Variants in SGCG observed in about 807,000 individuals in gnomAD.
The protein encoded by SGCG is gamma-sarcoglycan.
In SGCG, 26 loss-of-function variants were observed where a neutral mutation model predicts 29.3. The ratio of observed to expected loss-of-function variants is 0.89; its 90% CI spans 0.65 to 1.23. The LOEUF is 1.23. Ranked by LOEUF, SGCG falls within the 50% of genes most tolerant of loss-of-function variation. The pLI, the probability that SGCG is intolerant of heterozygous loss-of-function variation, is 0.00. For missense variants in SGCG, 353 were observed against 356.0 expected, an observed-to-expected ratio of 0.99 and a Z score of 0.07; for synonymous variants, 145 against 129.7, an observed-to-expected ratio of 1.12 and a Z score of -0.80.
At chr13:23,297,479 T>C (rs5023402) in intron 6 of SGCG, among the ~76,000 whole-genome samples, 150,497 of 152,364 alleles carry the variant, frequency 0.99, 74,360 homozygotes, top group Middle Eastern at 1. Flanking sequence ...CAAAAAGTAT[T>C]CCTTACGGGA....
chr13:23,315,347 A>T (rs552380315), intron 6 of SGCG, among the ~76,000 whole-genome samples: 1 of 152,256 alleles, frequency 6.6e-6, no homozygotes, highest in Admixed American at 6.5e-5. Context: ...TCCATCATCA[A>T]ATGGATGTGG....
intron 1 of SGCG, among the ~76,000 whole-genome samples, chr13:23,187,053 G>T (rs992367975): frequency 1.3e-5 from 2 of 152,294 alleles, no homozygotes; most frequent in East Asian, 3.9e-4. Flanking sequence ...TAGACATTCA[G>T]CAGGGGCAGT....
intron 6 of SGCG, among the ~76,000 whole-genome samples, chr13:23,303,838 T>C (rs1360161259): frequency 6.6e-6 from 1 of 152,228 alleles, no homozygotes; most frequent in East Asian, 1.9e-4. Flanking sequence ...TCGGTGACTT[T>C]CCCCTCCATT....
Position 23,322,542 on chromosome 13 carries a change from G to GA in SGCG, c.702+1782_702+1783insA, listed in dbSNP as rs1208011762. On this transcript the variant is annotated intron_variant, in intron 7 of 7. Coordinates refer to ENST00000218867, the MANE Select transcript of SGCG (RefSeq NM_000231.3). ...GGGTTTGCCACTCCCAGACTCCTTA[G>GA]CTCAGAAGGCTGAACACACATTCTT... 9.2e-5 allele frequency among the ~76,000 whole-genome samples: 14 copies of GA among 152,296 alleles called. No individual in the cohort carries two copies. The East Asian group carries it at 2.7e-3, about 29-fold the overall frequency.
At chr13:23,267,672 C>T (rs1013865252) in intron 4 of SGCG, 5 of 152,402 alleles carry the variant, frequency 3.3e-5, no homozygotes, top group African/African-American at 9.6e-5. Flanking sequence ...TTTCAGAATT[C>T]CACGCACACC....
chr13:23,207,146 A>G (rs963600036), intron 2 of SGCG, among the ~76,000 whole-genome samples: 5 of 152,134 alleles, frequency 3.3e-5, no homozygotes, highest in African/African-American at 1.2e-4. Context: ...CAGAATAGAG[A>G]TCCCAGAAAA....
At chr13:23,277,128 TA>T (rs1881108047) in intron 4 of SGCG, among the ~76,000 whole-genome samples, 1 of 152,192 alleles carries the variant, frequency 6.6e-6, no homozygotes, top group African/African-American at 2.4e-5. Flanking sequence ...ATATAATAAC[TA>T]TAGAAAAAAA....
At chr13:23,276,934 ATC>A (rs1566027403) in intron 4 of SGCG, among the ~76,000 whole-genome samples, 1 of 152,194 alleles carries the variant, frequency 6.6e-6, no homozygotes, top group African/African-American at 2.4e-5. Flanking sequence ...TGTGAGCTAT[ATC>A]TCACTCATTT....
intron 3 of SGCG, among the ~76,000 whole-genome samples, chr13:23,248,780 C>T (rs538015338): frequency 6.6e-6 from 1 of 151,758 alleles, no homozygotes; most frequent in East Asian, 1.9e-4. Context: ...ATCACGAGGT[C>T]AGGAAATCGA....
intron 6 of SGCG, among the ~76,000 whole-genome samples, chr13:23,311,984 A>G (rs975452570): frequency 1.3e-5 from 2 of 152,082 alleles, no homozygotes; most frequent in African/African-American, 4.8e-5. Context: ...GCAACCTTAT[A>G]GAAGAAGGTG....
intron 5 of SGCG, among the ~76,000 whole-genome samples, chr13:23,292,119 C>CTTT (rs71100167): frequency 6.8e-5 from 10 of 147,464 alleles, no homozygotes; most frequent in African/African-American, 2.6e-4. Context: ...ACATTTCTTT[C>CTTT]TTTTTTTTGA....
chr13:23,204,425 C>A (rs1403316115), intron 2 of SGCG, among the ~76,000 whole-genome samples: 1 of 151,928 alleles, frequency 6.6e-6, no homozygotes, highest in African/African-American at 2.4e-5. Context: ...ATTTTGTATT[C>A]TTTGATAATA....
chr13:23,299,446 A>AT lies in SGCG; in HGVS notation c.578+3960dup, dbSNP rs1566037539. Among the ~76,000 whole-genome samples the AT allele has an allele frequency of 8.5e-3, 63 of 7,374 alleles. 2 individuals carry two copies. Among genetic ancestry groups the AT allele is most frequent in the Non-Finnish European group, 0.015 (53 of 3,556 alleles). The allele number at this position is 7,374 out of a possible 152,430, so 4.8% of individuals were successfully genotyped here. A position where few individuals can be genotyped will look rare whatever the true frequency, so the allele number is the denominator to read the frequency against. On this transcript the variant is annotated intron_variant, in intron 6 of 7. Coordinates refer to ENST00000218867, the MANE Select transcript of SGCG (RefSeq NM_000231.3). ...TATATATATATATATATATATATAT[A>AT]TATATATATATTTTTTTTTTTTTTT... is the stretch of plus-strand genomic sequence containing the variant.
At chr13:23,322,287 A>G (rs1462337507) in intron 7 of SGCG, among the ~76,000 whole-genome samples, 1 of 152,224 alleles carries the variant, frequency 6.6e-6, no homozygotes, top group African/African-American at 2.4e-5. Context: ...AGAGCCATGG[A>G]ACAGGACATA....
intron 1 of SGCG, among the ~76,000 whole-genome samples, chr13:23,190,310 C>T (rs1465464573): frequency 1.3e-5 from 2 of 152,150 alleles, no homozygotes; most frequent in East Asian, 3.9e-4. Context: ...ATCTCCAGAA[C>T]TTTGTCAAGA....
At chr13:23,188,277 C>T (rs1942795744) in intron 1 of SGCG, among the ~76,000 whole-genome samples, 1 of 139,006 alleles carries the variant, frequency 7.2e-6, no homozygotes, top group Non-Finnish European at 1.5e-5. Context: ...GGTAGGATTT[C>T]TCTCTCACCG....
At chr13:23,281,341 G>GTAATAATAA (rs57723057) in intron 5 of SGCG, among the ~76,000 whole-genome samples, 14 of 146,628 alleles carry the variant, frequency 9.5e-5, no homozygotes, top group African/African-American at 3.3e-4. Flanking sequence ...CCGTGTCTCA[G>GTAATAATAA]TAATAATAAT....
At chr13:23,289,237 A>T (rs1881609130) in intron 5 of SGCG, among the ~76,000 whole-genome samples, 1 of 152,190 alleles carries the variant, frequency 6.6e-6, no homozygotes, top group Non-Finnish European at 1.5e-5. Context: ...AGTCCATGGT[A>T]TTTCAGCTGA....
intron 1 of SGCG, among the ~76,000 whole-genome samples, chr13:23,181,795 T>C (rs1348750950): frequency 6.6e-6 from 1 of 152,200 alleles, no homozygotes; most frequent in Non-Finnish European, 1.5e-5. Flanking sequence ...CACAATTTTT[T>C]TAAAGGAAGG....
Sources: gnomAD v4.1 joint callset for allele counts (sites outside exome capture counted in the v4.1 genomes callset) on GRCh38, gnomAD v4.1.1 for gene constraint, MANE v1.5 for transcripts, NCBI Gene and HGNC (gene_info 2026-07-23, HGNC 2026-07-21) for gene names.